Variants in JAZF1 observed in about 807,000 individuals in gnomAD.
JAZF1 encodes juxtaposed with another zinc finger protein 1.
Under a neutral mutation model 26.4 loss-of-function variants are expected in JAZF1, and 8 were observed. The ratio of observed to expected loss-of-function variants is 0.30; its 90% CI spans 0.18 to 0.55. The LOEUF (loss-of-function observed/expected upper bound fraction) is 0.55, where lower values mean the gene tolerates loss of function less well. JAZF1 is among the 20% of genes least tolerant of loss of function. JAZF1 has a pLI of 0.94. For synonymous variants in JAZF1, 126 were observed against 122.3 expected, an observed-to-expected ratio of 1.03 and a Z score of -0.20; for missense variants, 199 against 322.0, an observed-to-expected ratio of 0.62 and a Z score of 2.92.
intron 1 of JAZF1, among the ~76,000 whole-genome samples, chr7:28,082,517 T>C (rs1784153326): frequency 2.0e-5 from 3 of 152,146 alleles, no homozygotes; most frequent in African/African-American, 7.2e-5. Flanking sequence ...TTAATATCTG[T>C]ATGCTGATGG....
Position 28,037,687 on chromosome 7 carries a change from C to G in JAZF1, c.116-45706G>C, listed in dbSNP as rs145895455. 4.3e-4 allele frequency among the ~76,000 whole-genome samples: 66 copies of G among 152,324 alleles called. No individual in the cohort carries two copies. The East Asian group carries it at 0.012, about 28-fold the overall frequency. On this transcript the variant is annotated intron_variant, in intron 1 of 4. Transcript: ENST00000283928. ...AAAAACTGGGCTCAGGTTGAACACACTTGGTCAAAATGAACCCTCTTTCTA... is the reference window on the plus strand; with the variant it reads ...AAAAACTGGGCTCAGGTTGAACACAGTTGGTCAAAATGAACCCTCTTTCTA...
chr7:27,931,278 A>C (rs567423777), intron 2 of JAZF1, among the ~76,000 whole-genome samples: 24 of 152,198 alleles, frequency 1.6e-4, no homozygotes, highest in Non-Finnish European at 3.2e-4. Flanking sequence ...GTTTCAATAA[A>C]ACTTTATTTA....
At chr7:27,870,459 T>C in intron 3 of JAZF1, among the ~76,000 whole-genome samples, 1 of 152,172 alleles carries the variant, frequency 6.6e-6, no homozygotes, top group East Asian at 1.9e-4. Flanking sequence ...GTCCCAAGTA[T>C]GCCATCAGTA....
At chr7:28,173,222 C>A (rs1379348175) in intron 1 of JAZF1, among the ~76,000 whole-genome samples, 1 of 152,156 alleles carries the variant, frequency 6.6e-6, no homozygotes, top group African/African-American at 2.4e-5. Flanking sequence ...TATTATTATT[C>A]ATTATTTATC....
chr7:28,032,734 A>G (rs1783212860), intron 1 of JAZF1, among the ~76,000 whole-genome samples: 1 of 152,184 alleles, frequency 6.6e-6, no homozygotes, highest in African/African-American at 2.4e-5. Context: ...AAAAAGATTG[A>G]AAGCTTTAAA....
At chr7:28,119,144 C>T (rs1784797428) in intron 1 of JAZF1, among the ~76,000 whole-genome samples, 2 of 152,136 alleles carry the variant, frequency 1.3e-5, no homozygotes, top group South Asian at 4.1e-4. Context: ...TCTCCCTACC[C>T]ACTCCCACCC....
In JAZF1 at chr7:28,106,074, A is replaced by C. The variant is rs1262605421; in HGVS notation, c.115+74389T>G. On this transcript the variant is annotated intron_variant, in intron 1 of 4. Coordinates refer to ENST00000283928, the MANE Select transcript of JAZF1 (RefSeq NM_175061.4). The stretch of plus-strand genomic sequence containing the variant: ...ATGTGGAGGTTTTCAGTAGGTAACA[A>C]GAATAACCTTCACTGTGAATGCTGT... Among the ~76,000 whole-genome samples, 5 of 152,336 alleles carry C rather than the reference A, an allele frequency of 3.3e-5. No individual in the cohort carries two copies. The East Asian group carries it at 9.6e-4, about 29-fold the overall frequency.
At chr7:27,837,282 GA>G (rs1782833058) in intron 4 of JAZF1, among the ~76,000 whole-genome samples, 1 of 152,232 alleles carries the variant, frequency 6.6e-6, no homozygotes, top group Non-Finnish European at 1.5e-5. Flanking sequence ...ATAAGGAAGG[GA>G]AGTCCTCTCT....
intron 2 of JAZF1, among the ~76,000 whole-genome samples, chr7:27,927,675 T>C (rs1275401815): frequency 5.3e-5 from 8 of 152,080 alleles, no homozygotes; most frequent in Admixed American, 4.6e-4. Flanking sequence ...TTGAATAACA[T>C]CTCACAAGAG....
intron 2 of JAZF1, among the ~76,000 whole-genome samples, chr7:27,951,979 G>A (rs1282415099): frequency 6.6e-6 from 1 of 152,150 alleles, no homozygotes; most frequent in Non-Finnish European, 1.5e-5. Context: ...TACTCTTTGA[G>A]GAACTGAGCC....
intron 1 of JAZF1, among the ~76,000 whole-genome samples, chr7:28,100,376 GT>G (rs1784454738): frequency 6.6e-6 from 1 of 151,746 alleles, no homozygotes; most frequent in Non-Finnish European, 1.5e-5. Context: ...AATCAAAAAA[GT>G]TTTATTTTTC....
At chr7:27,895,116 G>C in intron 3 of JAZF1, 104 bp downstream of exon 3, 1 of 586,996 alleles carries the variant, frequency 1.7e-6, no homozygotes, top group Non-Finnish European at 2.8e-6. Context: ...TGGTGGGTCT[G>C]TGTCGTCATC....
chr7:27,898,304 T>TATATATATATATATATACAC lies in JAZF1; in HGVS notation c.189-2889_189-2888insGTGTATATATATATATATAT, dbSNP rs375859244. Among the ~76,000 whole-genome samples the TATATATATATATATATACAC allele has an allele frequency of 4.9e-3, 631 of 128,874 alleles. 7 individuals are homozygous for TATATATATATATATATACAC. Among genetic ancestry groups the TATATATATATATATATACAC allele is most frequent in the Middle Eastern group, 0.013 (3 of 230 alleles). 84.5% of individuals were successfully genotyped at this position (128,874 alleles called of 152,430 possible). A position where few individuals can be genotyped will look rare whatever the true frequency, so the allele number is the denominator to read the frequency against. ...TCTAACTCATATATATATATATATATACATCGGTTTTTTTTTTTTTTTTTT... is the reference window on the plus strand; with the variant it reads ...TCTAACTCATATATATATATATATATATATATATATATATATACACACATCGGTTTTTTTTTTTTTTTTTT... On this transcript the variant is annotated intron_variant, in intron 2 of 4. Transcript: ENST00000283928.
At chr7:27,946,938 T>C (rs1583475063) in intron 2 of JAZF1, among the ~76,000 whole-genome samples, 1 of 152,344 alleles carries the variant, frequency 6.6e-6, no homozygotes, top group African/African-American at 2.4e-5. Flanking sequence ...TATATGCTAC[T>C]GCCCTAAAGA....
intron 2 of JAZF1, among the ~76,000 whole-genome samples, chr7:27,950,291 G>C (rs747824872): frequency 2.0e-5 from 3 of 152,246 alleles, no homozygotes; most frequent in Non-Finnish European, 4.4e-5. Context: ...AGGAGTCTCA[G>C]CTGACACCCT....
At chr7:28,151,049 G>A (rs960300374) in intron 1 of JAZF1, among the ~76,000 whole-genome samples, 6 of 151,892 alleles carry the variant, frequency 4.0e-5, no homozygotes, top group African/African-American at 1.5e-4. Context: ...GAAAGGAAAG[G>A]CATCCAAATG....
At chr7:27,882,488 A>T (rs897647538) in intron 3 of JAZF1, among the ~76,000 whole-genome samples, 2 of 152,222 alleles carry the variant, frequency 1.3e-5, no homozygotes, top group Non-Finnish European at 2.9e-5. Context: ...GACATGCACA[A>T]TCTCTTTGTC....
At chr7:28,158,514 G>A (rs1783228828) in intron 1 of JAZF1, among the ~76,000 whole-genome samples, 1 of 152,168 alleles carries the variant, frequency 6.6e-6, no homozygotes, top group Non-Finnish European at 1.5e-5. Context: ...TGCTGTGTCA[G>A]GTGTCTGTTA....
intron 2 of JAZF1, among the ~76,000 whole-genome samples, chr7:27,942,043 C>T (rs905031921): frequency 6.6e-5 from 10 of 152,208 alleles, no homozygotes; most frequent in Non-Finnish European, 1.3e-4. Context: ...CACCATTTCA[C>T]CTCACTGGGG....
Sources: gnomAD v4.1 joint callset for allele counts (sites outside exome capture counted in the v4.1 genomes callset) on GRCh38, gnomAD v4.1.1 for gene constraint, MANE v1.5 for transcripts, NCBI Gene and HGNC (gene_info 2026-07-23, HGNC 2026-07-21) for gene names.